The following TRPS1 variants were observed in gnomAD, a reference collection of about 807,000 sequenced individuals.
TRPS1 encodes zinc finger transcription factor Trps1.
In TRPS1, 6 loss-of-function variants were observed where a neutral mutation model predicts 101.2. The ratio of observed to expected loss-of-function variants is 0.06; its 90% CI spans 0.03 to 0.12. TRPS1 has a LOEUF of 0.12. TRPS1 is among the 10% of genes least tolerant of loss of function. The pLI is 1.00. For synonymous variants in TRPS1, 578 were observed against 589.8 expected, an observed-to-expected ratio of 0.98 and a Z score of 0.29; for missense variants, 1,363 against 1,567.0, an observed-to-expected ratio of 0.87 and a Z score of 2.20.
In TRPS1 at chr8:115,566,549, G is replaced by C. The variant is rs527816676; in HGVS notation, c.2700+20452C>G. On this transcript the variant is annotated intron_variant, in intron 5 of 6. Transcript: ENST00000395715. ...TCTTTCTTCTTTTTTTTTGTAGCCA[G>C]CTGGTATTCCTAAGGTCAGAAAAAC... is the stretch of plus-strand genomic sequence containing the variant. 1.5e-4 allele frequency among the ~76,000 whole-genome samples: 22 copies of C among 151,692 alleles called. 1 individual carries two copies. Among genetic ancestry groups the C allele is most frequent in the African/African-American group, 4.3e-4 (18 of 41,394 alleles).
At chr8:115,600,599 T>C (rs1441183199) in intron 4 of TRPS1, among the ~76,000 whole-genome samples, 3 of 152,098 alleles carry the variant, frequency 2.0e-5, no homozygotes, top group African/African-American at 7.2e-5. Context: ...AACCTCACAT[T>C]CCAAGCTTAC....
intron 1 of TRPS1, among the ~76,000 whole-genome samples, chr8:115,633,872 T>C (rs767532227): frequency 8.9e-4 from 135 of 152,110 alleles, no homozygotes; most frequent in Non-Finnish European, 1.8e-3. Flanking sequence ...TGATGAGTGG[T>C]TTCTTATTTT....
At chr8:115,584,124 T>C (rs1817513560) in intron 5 of TRPS1, among the ~76,000 whole-genome samples, 1 of 152,058 alleles carries the variant, frequency 6.6e-6, no homozygotes, top group Non-Finnish European at 1.5e-5. Flanking sequence ...CAGCCTTTTA[T>C]TTCAAAATGT....
intron 1 of TRPS1, among the ~76,000 whole-genome samples, chr8:115,627,963 T>C (rs1382168586): frequency 6.6e-6 from 1 of 151,074 alleles, no homozygotes; most frequent in Non-Finnish European, 1.5e-5. Flanking sequence ...GTATATTCAG[T>C]AAGTTTTATT....
chr8:115,569,334 T>C (rs1470467153), intron 5 of TRPS1, among the ~76,000 whole-genome samples: 2 of 152,026 alleles, frequency 1.3e-5, no homozygotes, highest in East Asian at 1.9e-4. Context: ...ATACCCTCTC[T>C]CCCTCCTTTA....
chr8:115,619,433 T>C lies in TRPS1; in HGVS notation c.665A>G (p.Asn222Ser), dbSNP rs61745721. The C allele has an allele frequency of 4.6e-4, 744 of 1,614,174 alleles. 1 individual carries two copies. Among genetic ancestry groups the C allele is most frequent in the Middle Eastern group, 9.9e-4 (6 of 6,062 alleles). ...KSKTDLLVND[N>S]PDPAPLSPEL... is the part of the protein sequence containing the mutation. ...TGGAGACAGAGGTGCCGGGTCTGGG[T>C]TGTCATTCACCAGTAAGTCAGTTTT... Residue 222 changes from asparagine (N) to serine (S), a missense_variant, in exon 3 of 7, where the codon AAC becomes AGC. Physicochemically the swap from Asn to Ser is conservative, Grantham distance 46. Around this residue, in one of 5 missense-constraint regions of TRPS1, gnomAD observed 1,020 missense variants for 1,073.0 expected, o/e 0.95. Transcript: ENST00000395715.
chr8:115,451,550 C>T (rs543353924), intron 5 of TRPS1, among the ~76,000 whole-genome samples: 24 of 152,234 alleles, frequency 1.6e-4, no homozygotes, highest in Middle Eastern at 6.8e-3. Context: ...GGAAGTCCCT[C>T]AAGAGTTACT....
chr8:115,493,905 T>G (rs1173152692), intron 5 of TRPS1, among the ~76,000 whole-genome samples: 1 of 152,212 alleles, frequency 6.6e-6, no homozygotes, highest in Non-Finnish European at 1.5e-5. Context: ...TTTATTTTAC[T>G]GGAAAGAAAA....
In TRPS1 at chr8:115,411,942, A is replaced by T. The variant is rs1489021885; in HGVS notation, c.*2081T>A. On this transcript the variant is annotated 3_prime_UTR_variant, in exon 7 of 7. Coordinates refer to ENST00000395715, the MANE Select transcript of TRPS1 (RefSeq NM_014112.5). ...CAACTTTAAGAAACGAAGACCCGGCACTGTGAAAAAGAAACAAAACCCAAA... is the reference window on the plus strand; with the variant it reads ...CAACTTTAAGAAACGAAGACCCGGCTCTGTGAAAAAGAAACAAAACCCAAA... 1 of 152,416 alleles carries T rather than the reference A, an allele frequency of 6.6e-6. No homozygotes were observed. Among genetic ancestry groups the T allele is most frequent in the Non-Finnish European group, 1.5e-5 (1 of 67,980 alleles). The allele number at this position is 152,416 out of a possible 1,614,324, so 9.4% of individuals were successfully genotyped here.
At chr8:115,568,288 G>A (rs1034687964) in intron 5 of TRPS1, among the ~76,000 whole-genome samples, 2 of 151,992 alleles carry the variant, frequency 1.3e-5, no homozygotes, top group Admixed American at 1.3e-4. Flanking sequence ...GCACATATAT[G>A]CAAATATATA....
intron 5 of TRPS1, among the ~76,000 whole-genome samples, chr8:115,541,509 ATCC>A (rs1008510128): frequency 1.3e-5 from 2 of 152,318 alleles, no homozygotes; most frequent in Admixed American, 6.5e-5. Flanking sequence ...CCAAACTTAT[ATCC>A]ATAATTTACT....
intron 1 of TRPS1, among the ~76,000 whole-genome samples, chr8:115,638,575 A>G (rs905026661): frequency 6.6e-5 from 10 of 152,164 alleles, no homozygotes; most frequent in African/African-American, 2.4e-4. Flanking sequence ...CCAAAAGCAA[A>G]TCTGGGCAAA....
chr8:115,630,312 G>A (rs867564795), intron 1 of TRPS1, among the ~76,000 whole-genome samples: 38 of 151,950 alleles, frequency 2.5e-4, no homozygotes, highest in Middle Eastern at 6.8e-3. Context: ...AGGCAATCTC[G>A]TCAATCTTCA....
At chr8:115,525,692 T>G (rs1478705740) in intron 5 of TRPS1, among the ~76,000 whole-genome samples, 1 of 152,152 alleles carries the variant, frequency 6.6e-6, no homozygotes, top group African/African-American at 2.4e-5. Context: ...CAGCAACACT[T>G]ATTCTTTTTA....
chr8:115,609,049 G>A (rs949171345), intron 3 of TRPS1, among the ~76,000 whole-genome samples: 1 of 151,994 alleles, frequency 6.6e-6, no homozygotes, highest in African/African-American at 2.4e-5. Flanking sequence ...GTTTTGCCAT[G>A]TTGCCCAGAC....
intron 5 of TRPS1, among the ~76,000 whole-genome samples, chr8:115,536,256 C>T (rs771438420): frequency 1.4e-4 from 22 of 152,180 alleles, no homozygotes; most frequent in South Asian, 8.3e-4. Context: ...TGCGGTGGCT[C>T]ACCCCTGTAA....
chr8:115,553,422 T>C (rs1271728800), intron 5 of TRPS1, among the ~76,000 whole-genome samples: 6 of 152,100 alleles, frequency 3.9e-5, no homozygotes, highest in Non-Finnish European at 8.8e-5. Context: ...TATATGTAAA[T>C]CCTTCAAAAA....
chr8:115,419,174 T>A (rs888597467), intron 5 of TRPS1, among the ~76,000 whole-genome samples: 1 of 152,174 alleles, frequency 6.6e-6, no homozygotes, highest in Non-Finnish European at 1.5e-5. Flanking sequence ...GGTTTCCAAA[T>A]ACAAATTGAT....
chr8:115,439,909 C>G (rs1007270505), intron 5 of TRPS1, among the ~76,000 whole-genome samples: 5 of 152,140 alleles, frequency 3.3e-5, no homozygotes, highest in African/African-American at 1.2e-4. Context: ...TCTTTTCATT[C>G]CCTTCTTCTA....
Sources: gnomAD v4.1 joint callset for allele counts (sites outside exome capture counted in the v4.1 genomes callset) on GRCh38, gnomAD v4.1.1 for gene constraint, gnomAD v4.1.1 regional missense constraint, MANE v1.5 for transcripts, NCBI Gene and HGNC (gene_info 2026-07-23, HGNC 2026-07-21) for gene names.